The following CLINT1 variants were observed in gnomAD, a reference collection of about 807,000 sequenced individuals.
The protein encoded by CLINT1 is clathrin interacting protein localized in the trans-Golgi region.
A neutral mutation model predicts 70.4 loss-of-function variants in CLINT1; 15 were observed. The observed-to-expected ratio is 0.21, with a 90% confidence interval of 0.14 to 0.33. The LOEUF (loss-of-function observed/expected upper bound fraction) is 0.33. Ranked by LOEUF, CLINT1 falls within the 10% of genes least tolerant of loss-of-function variation. The pLI, the probability that CLINT1 is intolerant of heterozygous loss-of-function variation, is 1.00. For synonymous variants in CLINT1, 227 were observed against 254.7 expected (o/e 0.89, Z 1.04); for missense variants, 615 against 778.1 (o/e 0.79, Z 2.49).
intron 1 of CLINT1, among the ~76,000 whole-genome samples, chr5:157,847,597 G>C (rs1457885220): frequency 6.6e-6 from 1 of 152,154 alleles, no homozygotes; most frequent in Non-Finnish European, 1.5e-5. Context: ...GGATCACTTT[G>C]AGGGGTTCAA....
chr5:157,837,111 G>A (rs539512169), intron 1 of CLINT1, among the ~76,000 whole-genome samples: 173 of 152,256 alleles, frequency 1.1e-3, no homozygotes, highest in Middle Eastern at 3.4e-3. Context: ...CTTTATCAGC[G>A]ATTATGTAAG....
chr5:157,817,612 A>G, intron 1 of CLINT1, 65 bp from the exon 2 acceptor site: 1 of 1,052,058 alleles, frequency 9.5e-7, no homozygotes, highest in Non-Finnish European at 1.4e-6. Flanking sequence ...GAAACACATG[A>G]AAACTTAATA....
At chr5:157,817,084 A>C (rs935671734) in intron 2 of CLINT1, among the ~76,000 whole-genome samples, 1 of 152,126 alleles carries the variant, frequency 6.6e-6, no homozygotes, top group Non-Finnish European at 1.5e-5. Context: ...TATACTTTGC[A>C]AGCTCTTCAT....
chr5:157,806,740 C>T (rs983294596), intron 6 of CLINT1, among the ~76,000 whole-genome samples: 4 of 152,124 alleles, frequency 2.6e-5, no homozygotes, highest in Non-Finnish European at 5.9e-5. Context: ...TTTTATATAA[C>T]TATAGAAAAT....
intron 1 of CLINT1, among the ~76,000 whole-genome samples, chr5:157,822,062 T>C (rs1455628337): frequency 6.6e-6 from 1 of 152,234 alleles, no homozygotes; most frequent in Non-Finnish European, 1.5e-5. Flanking sequence ...ATGGTTTGGC[T>C]GTGTCCCCAC....
At chr5:157,804,870 T>TGAGCCAAGATCGCGCC (rs1762339878) in intron 7 of CLINT1, among the ~76,000 whole-genome samples, 1 of 151,956 alleles carries the variant, frequency 6.6e-6, no homozygotes, top group Admixed American at 6.6e-5. Flanking sequence ...GAGGTTGCGG[T>TGAGCCAAGATCGCGCC]GAGCCAAGAT....
chr5:157,806,047 T>TC lies in CLINT1; in HGVS notation c.760dup (p.Glu254GlyfsTer33). ...AATATGCTTTGTCGTCACAGTCTCC[T>TC]CTTCATCTTTGAATTCACCTTTGGG... On this transcript the variant is annotated frameshift_variant, in exon 7 of 12. Coordinates refer to ENST00000411809, the MANE Select transcript of CLINT1 (RefSeq NM_014666.4). LOFTEE classifies it high-confidence loss of function. 6.2e-7 allele frequency: 1 copy of TC among 1,614,006 alleles called. No homozygotes were observed. The highest frequency in any genetic ancestry group is 8.5e-7 in the Non-Finnish European group (1 of 1,179,882).
chr5:157,844,033 G>C (rs1223614038), intron 1 of CLINT1, among the ~76,000 whole-genome samples: 1 of 152,086 alleles, frequency 6.6e-6, no homozygotes, highest in Admixed American at 6.6e-5. Context: ...TGGTAAGAGT[G>C]ATACCATCTC....
intron 1 of CLINT1, among the ~76,000 whole-genome samples, chr5:157,820,707 T>A (rs903263476): frequency 1.3e-5 from 2 of 152,086 alleles, no homozygotes; most frequent in Admixed American, 1.3e-4. Flanking sequence ...GTGACCTTTT[T>A]TAAAAAAGAA....
intron 8 of CLINT1, among the ~76,000 whole-genome samples, chr5:157,799,750 T>C (rs1762159891): frequency 6.6e-6 from 1 of 152,156 alleles, no homozygotes; most frequent in African/African-American, 2.4e-5. Flanking sequence ...AATTTTGTCA[T>C]TGTGCAAACA....
chr5:157,819,878 C>G (rs1160083261), intron 1 of CLINT1, among the ~76,000 whole-genome samples: 1 of 152,184 alleles, frequency 6.6e-6, no homozygotes, highest in Non-Finnish European at 1.5e-5. Flanking sequence ...TTTCCTTGTT[C>G]AAGCGACAAA....
At chr5:157,849,732 T>C (rs772537100) in intron 1 of CLINT1, among the ~76,000 whole-genome samples, 4 of 152,216 alleles carry the variant, frequency 2.6e-5, no homozygotes, top group African/African-American at 4.8e-5. Context: ...CATAACAATG[T>C]TGTCACCTTT....
intron 5 of CLINT1, among the ~76,000 whole-genome samples, chr5:157,810,758 C>A (rs1316024895): frequency 2.0e-5 from 3 of 152,170 alleles, no homozygotes; most frequent in Non-Finnish European, 4.4e-5. Context: ...AAAATTAAGG[C>A]AGGTTGGAAG....
chr5:157,843,401 G>A (rs1263766060), intron 1 of CLINT1, among the ~76,000 whole-genome samples: 4 of 152,126 alleles, frequency 2.6e-5, no homozygotes, highest in Non-Finnish European at 5.9e-5. Context: ...GAATATTGTT[G>A]GTAGTGGGTG....
rs1341001530 is a variant in CLINT1 at position 157,809,911 on chromosome 5, A to G, written c.518-106T>C. 6.1e-6 allele frequency: 7 copies of G among 1,150,062 alleles called. No homozygotes were observed. The East Asian group carries it at 1.8e-4, about 29-fold the overall frequency. The allele number at this position is 1,150,062 out of a possible 1,614,324, so 71.2% of individuals were successfully genotyped here. Reference sequence around the variant, plus strand: ...TTTCCTCATAATAAAATCATTTTCAAAGGAAAACAGAAAGCTCCCACAGTG... The same window carrying G: ...TTTCCTCATAATAAAATCATTTTCAGAGGAAAACAGAAAGCTCCCACAGTG... On this transcript the variant is annotated intron_variant, in intron 5 of 11. Coordinates refer to ENST00000411809, the MANE Select transcript of CLINT1 (RefSeq NM_014666.4).
In CLINT1 at chr5:157,856,975, C is replaced by T. The variant is rs536739579; in HGVS notation, c.41+1955G>A. Among the ~76,000 whole-genome samples, 43 of 152,308 alleles carry T rather than the reference C, an allele frequency of 2.8e-4. No individual in the cohort carries two copies. In the South Asian group the frequency reaches 8.3e-3, roughly 29 times the overall value. On this transcript the variant is annotated intron_variant, in intron 1 of 11. Coordinates refer to ENST00000411809, the MANE Select transcript of CLINT1 (RefSeq NM_014666.4). ...AATAGTAGGAATATTGCCTCGATTT[C>T]TGTCTTACGAACAATGTACAGCCTC...
At chr5:157,855,351 A>G (rs1224458875) in intron 1 of CLINT1, among the ~76,000 whole-genome samples, 1 of 152,172 alleles carries the variant, frequency 6.6e-6, no homozygotes, top group Non-Finnish European at 1.5e-5. Flanking sequence ...CATGTATAGG[A>G]TGACAAAATA....
intron 1 of CLINT1, among the ~76,000 whole-genome samples, chr5:157,825,450 C>G (rs950815327): frequency 2.6e-5 from 4 of 152,108 alleles, no homozygotes; most frequent in Admixed American, 2.6e-4. Context: ...AAGCAGCTTA[C>G]TACCAGGCTT....
At chr5:157,817,987 T>C (rs1323650730) in intron 1 of CLINT1, among the ~76,000 whole-genome samples, 3 of 152,210 alleles carry the variant, frequency 2.0e-5, no homozygotes, top group African/African-American at 7.2e-5. Context: ...CTGAACAGTA[T>C]CTATATCACA....
Sources: gnomAD v4.1 joint callset for allele counts (sites outside exome capture counted in the v4.1 genomes callset) on GRCh38, gnomAD v4.1.1 for gene constraint, MANE v1.5 for transcripts, NCBI Gene and HGNC (gene_info 2026-07-23, HGNC 2026-07-21) for gene names.